The following COQ8A variants were observed in gnomAD, a reference collection of about 807,000 sequenced individuals.
COQ8A encodes the protein atypical kinase COQ8A, mitochondrial.
A neutral mutation model predicts 65.0 loss-of-function variants in COQ8A; 51 were observed. The ratio of observed to expected loss-of-function variants is 0.78; its 90% CI spans 0.63 to 0.99. The LOEUF (loss-of-function observed/expected upper bound fraction) is 0.99. Ranked by LOEUF, COQ8A falls within the 50% of genes least tolerant of loss-of-function variation. The probability of loss-of-function intolerance (pLI) is 0.00; values close to 1 mark genes in which losing one functional copy is unlikely to be tolerated. For missense variants in COQ8A, 940 were observed against 875.0 expected, an observed-to-expected ratio of 1.07 and a Z score of -0.94; for synonymous variants, 371 against 353.2, an observed-to-expected ratio of 1.05 and a Z score of -0.57.
intron 14 of COQ8A, among the ~76,000 whole-genome samples, chr1:226,985,678 G>C (rs775258258): frequency 1.3e-5 from 2 of 152,338 alleles, no homozygotes; most frequent in African/African-American, 2.4e-5. Flanking sequence ...GAGCCTCCCT[G>C]GGGGGAGTTG....
intron 2 of COQ8A, among the ~76,000 whole-genome samples, chr1:226,964,329 C>T (rs372517010): frequency 2.6e-5 from 4 of 152,174 alleles, no homozygotes; most frequent in Non-Finnish European, 5.9e-5. Flanking sequence ...GGAGCTCACT[C>T]AAGGTCACTC....
In COQ8A at chr1:226,978,092, G is replaced by A. The variant is rs574403050; in HGVS notation, c.730+569G>A. Among the ~76,000 whole-genome samples, 41 of 114,432 alleles carry A rather than the reference G, an allele frequency of 3.6e-4. No homozygotes were observed. The East Asian group carries it at 6.6e-3, about 19-fold the overall frequency. The allele number at this position is 114,432 out of a possible 152,430, so 75.1% of individuals were successfully genotyped here. Reference sequence around the variant, plus strand: ...CACACCTTACCCCTGCACACCCACCGAACACCCGCACACGTCACACACCCC... The same window carrying A: ...CACACCTTACCCCTGCACACCCACCAAACACCCGCACACGTCACACACCCC... On this transcript the variant is annotated intron_variant, in intron 5 of 14. Coordinates refer to ENST00000366777, the MANE Select transcript of COQ8A (RefSeq NM_020247.5).
chr1:226,978,529 ACTGCACCT>A (rs1306528591), intron 5 of COQ8A, among the ~76,000 whole-genome samples: 2 of 87,818 alleles, frequency 2.3e-5, no homozygotes, highest in East Asian at 4.9e-4. Flanking sequence ...CCCACTGAAC[ACTGCACCT>A]CCTTACCCTC....
chr1:226,957,104 T>C (rs1657832739), intron 1 of COQ8A, among the ~76,000 whole-genome samples: 1 of 147,504 alleles, frequency 6.8e-6, no homozygotes, highest in African/African-American at 2.5e-5. Context: ...ACACTCTCCC[T>C]GGCTCTCACT....
rs573041132 is a variant in COQ8A at position 226,986,236 on chromosome 1, GC to G, written c.1660-213del. Among the ~76,000 whole-genome samples the G allele has an allele frequency of 2.2e-4, 33 of 151,968 alleles. No homozygotes were observed. The East Asian group carries it at 2.9e-3, about 13-fold the overall frequency. On this transcript the variant is annotated intron_variant, in intron 14 of 14. Transcript: ENST00000366777. ...ACGCATCCTCTGCACTCTGCCACAG[GC>G]CCCGCCACTCCCTTTTGTATCACAT... is the stretch of plus-strand genomic sequence containing the variant.
At chr1:226,947,927 T>G (rs1431642407) in intron 1 of COQ8A, among the ~76,000 whole-genome samples, 1 of 152,206 alleles carries the variant, frequency 6.6e-6, no homozygotes, top group Non-Finnish European at 1.5e-5. Context: ...ACCACCCAGC[T>G]TGGTGCCTCG....
At chr1:226,980,013 C>A (rs2148118560) in intron 5 of COQ8A, among the ~76,000 whole-genome samples, 1 of 152,314 alleles carries the variant, frequency 6.6e-6, no homozygotes, top group South Asian at 2.1e-4. Flanking sequence ...CAGTGGTGAC[C>A]CCAGGCTGGG....
chr1:226,975,814 T>A (rs1021311089), intron 4 of COQ8A, among the ~76,000 whole-genome samples: 1 of 152,180 alleles, frequency 6.6e-6, no homozygotes, highest in African/African-American at 2.4e-5. Context: ...GTTGCCCAGG[T>A]GTGGGTAAAA....
chr1:226,983,448 G>T, intron 8 of COQ8A, 104 bp from the exon 9 acceptor site: 1 of 1,082,118 alleles, frequency 9.2e-7, no homozygotes, highest in Non-Finnish European at 1.4e-6. Context: ...GTGGGCTGGG[G>T]CCAGGACACA....
chr1:226,977,662 TG>T, intron 5 of COQ8A, 139 bp downstream of exon 5: 1 of 932,464 alleles, frequency 1.1e-6, no homozygotes. Context: ...GTGGCGTCCC[TG>T]GGGTGATGAG....
At chr1:226,978,422 C>T (rs1219359564) in intron 5 of COQ8A, among the ~76,000 whole-genome samples, 1 of 149,434 alleles carries the variant, frequency 6.7e-6, no homozygotes, top group African/African-American at 2.5e-5. Flanking sequence ...ACACCCTCCA[C>T]ACACCCACCT....
intron 4 of COQ8A, among the ~76,000 whole-genome samples, chr1:226,970,283 G>A (rs543118636): frequency 9.1e-4 from 139 of 152,326 alleles, no homozygotes; most frequent in African/African-American, 3.2e-3. Context: ...GATTCAGTCC[G>A]AGAAATGTGT....
intron 5 of COQ8A, among the ~76,000 whole-genome samples, chr1:226,979,331 G>A (rs1483889104): frequency 2.0e-5 from 3 of 152,220 alleles, no homozygotes; most frequent in Non-Finnish European, 2.9e-5. Flanking sequence ...CCTTCTGCCT[G>A]TGAACACCAG....
At chr1:226,979,743 C>T (rs1444109401) in intron 5 of COQ8A, among the ~76,000 whole-genome samples, 3 of 152,178 alleles carry the variant, frequency 2.0e-5, no homozygotes, top group Admixed American at 1.3e-4. Context: ...CCCACAGGCC[C>T]GGACTGAGTC....
chr1:226,985,365 C>T (rs746608151), intron 14 of COQ8A, 25 bp downstream of exon 14: 33 of 1,610,598 alleles, frequency 2.0e-5, no homozygotes, highest in Non-Finnish European at 2.6e-5. Context: ...GGGGGATCCC[C>T]TGGGCCTGCT....
At chr1:226,975,222 C>T (rs1659119436) in intron 4 of COQ8A, 1 of 152,250 alleles carries the variant, frequency 6.6e-6, no homozygotes, top group Admixed American at 6.5e-5. Flanking sequence ...CAGCTCTGAG[C>T]CCAGGGCTTT....
Position 226,986,576 on chromosome 1 carries a change from C to G in COQ8A, c.1783C>G (p.Leu595Val), listed in dbSNP as rs1177761224. 6 of 1,614,032 alleles carry G rather than the reference C, an allele frequency of 3.7e-6. No homozygotes were observed. The highest frequency in any genetic ancestry group is 1.7e-5 in the Admixed American group (1 of 60,016). Residue 595 changes from leucine to valine, a missense_variant, in exon 15 of 15, where the codon CTG becomes GTG. By Grantham distance (32) the Leu-to-Val change is conservative. Transcript: ENST00000366777. ...EKIHNLIPVM[L>V]RHRLVPPPEE... The stretch of plus-strand genomic sequence containing the variant: ...GATCCACAACCTGATTCCCGTCATG[C>G]TGAGGCACCGTCTCGTCCCCCCACC...
At chr1:226,948,188 T>G (rs1189929939) in intron 1 of COQ8A, among the ~76,000 whole-genome samples, 1 of 152,186 alleles carries the variant, frequency 6.6e-6, no homozygotes, top group Non-Finnish European at 1.5e-5. Context: ...CTGGGCTGGT[T>G]CATTTCTGGA....
At position 226,965,163 on chromosome 1, in the gene COQ8A, G is replaced by A. The variant is rs1328698795; in HGVS notation, c.341G>A (p.Gly114Asp). The change falls in exon 3 of 15, where the codon GGC becomes GAC. Residue 114 changes from glycine to aspartate, a missense_variant. Transcript: ENST00000366777. ...PPSLGHAHSEGPAPAYVASGP... is the reference protein window; with the variant it reads ...PPSLGHAHSEDPAPAYVASGP... ...TCCCTGGGTCATGCCCACAGCGAGG[G>A]CCCAGCTCCTGCCTACGTGGCCAGT... 1.2e-6 allele frequency: 2 copies of A among 1,613,808 alleles called. No homozygotes were observed. Among genetic ancestry groups the A allele is most frequent in the Non-Finnish European group, 1.7e-6 (2 of 1,180,024 alleles).
Sources: allele counts gnomAD v4.1 joint callset (sites outside exome capture counted in the v4.1 genomes callset), GRCh38; gene constraint gnomAD v4.1.1; transcripts MANE v1.5; gene names NCBI Gene and HGNC (gene_info 2026-07-23, HGNC 2026-07-21).